The following KRAS variants were observed in gnomAD, a reference collection of about 807,000 sequenced individuals.
The protein encoded by KRAS is GTPase KRas.
Under a neutral mutation model 21.0 loss-of-function variants are expected in KRAS, and 1 was observed. The observed-to-expected ratio is 0.05, with a 90% CI of 0.02 to 0.23. The LOEUF (loss-of-function observed/expected upper bound fraction) is 0.23. KRAS is among the 10% of genes least tolerant of loss of function. The pLI is 1.00. For synonymous variants in KRAS, 67 were observed against 72.5 expected, an observed-to-expected ratio of 0.92 and a Z score of 0.39; for missense variants, 107 against 221.8, an observed-to-expected ratio of 0.48 and a Z score of 3.29.
chr12:25,225,556 G>T (rs543969427), intron 4 of KRAS, 58 bp downstream of exon 4: 1 of 1,481,558 alleles, frequency 6.7e-7, no homozygotes, highest in South Asian at 1.1e-5. Flanking sequence ...TATATTAAAT[G>T]ACATAACAGT....
intron 2 of KRAS, among the ~76,000 whole-genome samples, chr12:25,235,560 A>G (rs983524397): frequency 6.6e-6 from 1 of 152,216 alleles, no homozygotes; most frequent in African/African-American, 2.4e-5. Flanking sequence ...AGAGACATGA[A>G]CGTAAATAAA....
intron 3 of KRAS, among the ~76,000 whole-genome samples, chr12:25,226,535 T>C (rs1360962191): frequency 6.6e-6 from 1 of 152,188 alleles, no homozygotes; most frequent in Non-Finnish European, 1.5e-5. Flanking sequence ...TTTTCCTCTA[T>C]TACTAGACTA....
rs397517043 is a variant in KRAS, at chr12:25,209,828, TTTC to T, written c.531_533del (p.Lys180del). Reference sequence around the variant, plus strand: ...TTACACACTTTGTCTTTGACTTCTTTTTCTTCTTTTTACCATCTTTGCTCATCT... The same window carrying T: ...TTACACACTTTGTCTTTGACTTCTTTTTCTTTTTACCATCTTTGCTCATCT... On this transcript the variant is annotated inframe_deletion, in exon 5 of 5. Transcript: ENST00000311936. 1.1e-3 allele frequency: 1,732 copies of T among 1,610,758 alleles called. 2 individuals carry two copies. Among genetic ancestry groups the T allele is most frequent in the Non-Finnish European group, 1.4e-3 (1,637 of 1,177,578 alleles).
chr12:25,225,863 G>T, intron 3 of KRAS, 90 bp from the exon 4 acceptor site: 1 of 1,259,620 alleles, frequency 7.9e-7, no homozygotes, highest in Non-Finnish European at 1.1e-6. Context: ...AAATTTGGCT[G>T]AAAGAAAACA....
intron 4 of KRAS, among the ~76,000 whole-genome samples, chr12:25,216,791 T>G (rs2141491246): frequency 6.6e-6 from 1 of 152,338 alleles, no homozygotes; most frequent in South Asian, 2.1e-4. Context: ...GCAAAGTGCT[T>G]AGTTAACTGT....
In KRAS at chr12:25,221,532, C is replaced by T. The variant is rs139416654; in HGVS notation, c.450+4082G>A. Among the ~76,000 whole-genome samples, 929 of 152,076 alleles carry T rather than the reference C, an allele frequency of 6.1e-3. 12 individuals carry two copies. Among genetic ancestry groups the T allele is most frequent in the South Asian group, 0.035 (168 of 4,822 alleles). On this transcript the variant is annotated intron_variant, in intron 4 of 4. Coordinates refer to ENST00000311936, the MANE Select transcript of KRAS (RefSeq NM_004985.5). ...GATTACAGGCATGAGCCACAGCATG[C>T]GGCCAGCCTATTTTTATACTATGCA...
chr12:25,232,363 A>C (rs1436253861), intron 2 of KRAS, among the ~76,000 whole-genome samples: 1 of 152,212 alleles, frequency 6.6e-6, no homozygotes, highest in Non-Finnish European at 1.5e-5. Context: ...CCTTTATAGA[A>C]AAGTTTGCCA....
At chr12:25,244,256 T>A (rs985073319) in intron 2 of KRAS, among the ~76,000 whole-genome samples, 2 of 152,166 alleles carry the variant, frequency 1.3e-5, no homozygotes, top group Non-Finnish European at 2.9e-5. Context: ...TTTTTTAAAT[T>A]AGTACACTAG....
At chr12:25,232,730 T>C (rs1179569107) in intron 2 of KRAS, among the ~76,000 whole-genome samples, 1 of 152,172 alleles carries the variant, frequency 6.6e-6, no homozygotes, top group Non-Finnish European at 1.5e-5. Flanking sequence ...TTATTCCCCA[T>C]AGTCCCCCCA....
In KRAS at chr12:25,207,580, A is replaced by G; in HGVS notation, c.*2215T>C. ...ATTGCATGAAGATTTCTGGTTACTA[A>G]AACAATGGAATGTATTACTGTTACC... On this transcript the variant is annotated 3_prime_UTR_variant, in exon 5 of 5. Transcript: ENST00000311936. 1 of 228,932 alleles carries G rather than the reference A, an allele frequency of 4.4e-6. No individual in the cohort carries two copies. Among genetic ancestry groups the G allele is most frequent in the Non-Finnish European group, 8.7e-6 (1 of 115,506 alleles). 14.2% of individuals were successfully genotyped at this position (228,932 alleles called of 1,614,324 possible).
chr12:25,242,335 G>T (rs1951620793), intron 2 of KRAS, among the ~76,000 whole-genome samples: 1 of 152,002 alleles, frequency 6.6e-6, no homozygotes, highest in South Asian at 2.1e-4. Context: ...TCTGATCTCT[G>T]TAACTACCTA....
chr12:25,245,214 C>CT (rs1190529719), intron 2 of KRAS, 60 bp downstream of exon 2: 26 of 1,522,812 alleles, frequency 1.7e-5, no homozygotes, highest in Non-Finnish European at 2.1e-5. Context: ...TCAGAGAAAC[C>CT]TTTATCTGTA....
chr12:25,240,503 T>C (rs1222952685), intron 2 of KRAS, among the ~76,000 whole-genome samples: 1 of 152,218 alleles, frequency 6.6e-6, no homozygotes, highest in African/African-American at 2.4e-5. Context: ...GGCATTGTAA[T>C]AGGTATTACA....
rs1951242395 is a variant in KRAS at position 25,215,389 on chromosome 12, A to G, written c.451-5478T>C. The stretch of plus-strand genomic sequence containing the variant: ...AGTGGTTGCCACCTTGTTACCTTTA[A>G]AAGACATCTGCTTTCTGCCAAAATT... On this transcript the variant is annotated intron_variant, in intron 4 of 4. Coordinates refer to ENST00000311936, the MANE Select transcript of KRAS (RefSeq NM_004985.5). The G allele has an allele frequency of 5.0e-6, 8 of 1,610,554 alleles. No homozygotes were observed. The South Asian group carries it at 8.8e-5, about 18-fold the overall frequency.
At chr12:25,250,475 G>A (rs978124215) in intron 1 of KRAS, among the ~76,000 whole-genome samples, 4 of 152,062 alleles carry the variant, frequency 2.6e-5, no homozygotes, top group Non-Finnish European at 5.9e-5. Context: ...GAGGAAGGAA[G>A]GGGTTCCCCG....
intron 2 of KRAS, among the ~76,000 whole-genome samples, chr12:25,237,136 C>T (rs1951553941): frequency 6.6e-6 from 1 of 152,040 alleles, no homozygotes; most frequent in Non-Finnish European, 1.5e-5. Context: ...TGGAGGATGC[C>T]AGACACAAAA....
chr12:25,212,593 A>G (rs1242681618), intron 4 of KRAS, among the ~76,000 whole-genome samples: 1 of 151,774 alleles, frequency 6.6e-6, no homozygotes. Flanking sequence ...AAAAAAAATT[A>G]ATTAATTTCA....
At chr12:25,234,894 A>G in intron 2 of KRAS, 1 of 235,896 alleles carries the variant, frequency 4.2e-6, no homozygotes, top group Non-Finnish European at 8.3e-6. Context: ...CATTCCAAGT[A>G]TAGATTTTGT....
chr12:25,212,277 A>C (rs1255047719), intron 4 of KRAS, among the ~76,000 whole-genome samples: 3 of 152,226 alleles, frequency 2.0e-5, no homozygotes, highest in African/African-American at 7.2e-5. Flanking sequence ...TAAAATGGTA[A>C]AGCAGAAAAC....
Sources: gnomAD v4.1 joint callset for allele counts (sites outside exome capture counted in the v4.1 genomes callset) on GRCh38, gnomAD v4.1.1 for gene constraint, MANE v1.5 for transcripts, NCBI Gene and HGNC (gene_info 2026-07-23, HGNC 2026-07-21) for gene names.